The following CBL variants were observed in gnomAD, a reference collection of about 807,000 sequenced individuals.
The protein encoded by CBL is Cbl proto-oncogene.
In CBL, 45 loss-of-function variants were observed where a neutral mutation model predicts 96.9. The observed-to-expected ratio is 0.46, with a 90% CI of 0.37 to 0.60. The LOEUF is 0.60. Ranked by LOEUF, CBL falls within the 20% of genes least tolerant of loss-of-function variation. The probability of loss-of-function intolerance (pLI) is 0.00; values close to 1 mark genes in which losing one functional copy is unlikely to be tolerated. For synonymous variants in CBL, 420 were observed against 426.8 expected (o/e 0.98, Z 0.20); for missense variants, 1,024 against 1,143.5 (o/e 0.90, Z 1.51).
chr11:119,280,228 AT>A lies in CBL; in HGVS notation c.1431+1516del, dbSNP rs1273715824. Reference sequence around the variant, plus strand: ...TCTAGGCTAGCAGTGGGATTGCTGCATAAGGGAGTGTGTATTTCAACTGTGA... The same window carrying A: ...TCTAGGCTAGCAGTGGGATTGCTGCAAAGGGAGTGTGTATTTCAACTGTGA... On this transcript the variant is annotated intron_variant, in intron 9 of 15. Transcript: ENST00000264033. Among the ~76,000 whole-genome samples, 15 of 152,340 alleles carry A rather than the reference AT, an allele frequency of 9.8e-5. No individual in the cohort carries two copies. The East Asian group carries it at 2.9e-3, about 29-fold the overall frequency.
At chr11:119,279,489 C>G (rs556826880) in intron 9 of CBL, among the ~76,000 whole-genome samples, 3 of 123,484 alleles carry the variant, frequency 2.4e-5, no homozygotes, top group Admixed American at 7.2e-5. Flanking sequence ...CCATGCCCCC[C>G]CCTAAAAAAA....
chr11:119,248,358 C>A (rs1333973030), intron 2 of CBL, among the ~76,000 whole-genome samples: 2 of 152,158 alleles, frequency 1.3e-5, no homozygotes, highest in African/African-American at 4.8e-5. Context: ...ACAAGCTTCT[C>A]AATGGAGAAA....
In CBL at chr11:119,301,020, G is replaced by A. The variant is rs1016963331; in HGVS notation, c.*1239G>A. 22 of 233,620 alleles carry A rather than the reference G, an allele frequency of 9.4e-5. No homozygotes were observed. The highest frequency in any genetic ancestry group is 4.0e-4 in the African/African-American group (18 of 45,468). 14.5% of individuals were successfully genotyped at this position (233,620 alleles called of 1,614,324 possible). On this transcript the variant is annotated 3_prime_UTR_variant, in exon 16 of 16. Coordinates refer to ENST00000264033, the MANE Select transcript of CBL (RefSeq NM_005188.4). ...GTGGTTTTTTCCTTTGCCCTTTAAG[G>A]AGTGGGGATAATGTCCACGGTGGCC...
intron 2 of CBL, among the ~76,000 whole-genome samples, chr11:119,259,431 A>G (rs1270132561): frequency 2.0e-5 from 3 of 152,094 alleles, no homozygotes; most frequent in Non-Finnish European, 4.4e-5. Flanking sequence ...TGCTTATTTG[A>G]CAATACTGAA....
chr11:119,296,097 G>A (rs978047964), intron 12 of CBL, among the ~76,000 whole-genome samples: 9 of 152,184 alleles, frequency 5.9e-5, no homozygotes, highest in African/African-American at 2.2e-4. Context: ...TAGCACTTAT[G>A]TGTGTATTAT....
At chr11:119,249,018 G>A (rs1310868260) in intron 2 of CBL, among the ~76,000 whole-genome samples, 1 of 152,184 alleles carries the variant, frequency 6.6e-6, no homozygotes, top group African/African-American at 2.4e-5. Context: ...TACAGCCACT[G>A]TGGGAAACAG....
At position 119,300,366 on chromosome 11, in the gene CBL, A is replaced by G. The variant is rs1444551618; in HGVS notation, c.*585A>G. Reference sequence around the variant, plus strand: ...ACCATGTGCATAGCTAAAGTCTTCTATTTTTAGAACACCTTCTGTCTGTTC... The same window carrying G: ...ACCATGTGCATAGCTAAAGTCTTCTGTTTTTAGAACACCTTCTGTCTGTTC... On this transcript the variant is annotated 3_prime_UTR_variant, in exon 16 of 16. Transcript: ENST00000264033. 1.2e-5 allele frequency: 5 copies of G among 407,262 alleles called. No individual in the cohort carries two copies. Among genetic ancestry groups the G allele is most frequent in the African/African-American group, 8.2e-5 (4 of 48,614 alleles). The allele number at this position is 407,262 out of a possible 1,614,324, so 25.2% of individuals were successfully genotyped here.
intron 2 of CBL, among the ~76,000 whole-genome samples, chr11:119,269,133 G>C (rs1949824414): frequency 6.6e-6 from 1 of 151,520 alleles, no homozygotes; most frequent in Non-Finnish European, 1.5e-5. Flanking sequence ...ATATATTCTT[G>C]ATCTTGTCTA....
intron 4 of CBL, 51 bp from the exon 5 acceptor site, chr11:119,274,781 G>T (rs778749426): frequency 1.7e-5 from 27 of 1,582,952 alleles, no homozygotes; most frequent in Non-Finnish European, 2.3e-5. Context: ...TGCCCTCTGA[G>T]TTGGTTGTAC....
chr11:119,256,576 C>T (rs780811504), intron 2 of CBL, among the ~76,000 whole-genome samples: 2 of 151,742 alleles, frequency 1.3e-5, no homozygotes, highest in Non-Finnish European at 2.9e-5. Flanking sequence ...ATTTCAGTAA[C>T]TTTAGGGATA....
At chr11:119,249,701 T>TATCTCCCAGGTGGTATGATC (rs1325692105) in intron 2 of CBL, among the ~76,000 whole-genome samples, 2 of 151,880 alleles carry the variant, frequency 1.3e-5, no homozygotes, top group Non-Finnish European at 2.9e-5. Context: ...GGTCTCCCTT[T>TATCTCCCAGGTGGTATGATC]ATCTCCCAGG....
At chr11:119,214,428 T>C (rs1949341759) in intron 1 of CBL, among the ~76,000 whole-genome samples, 1 of 152,140 alleles carries the variant, frequency 6.6e-6, no homozygotes, top group Non-Finnish European at 1.5e-5. Context: ...TTTGTACTTT[T>C]GGTAGAGATG....
rs532837579 is a variant in CBL, at chr11:119,244,581, A to ATTTTT, written c.443+11900_443+11904dup. The stretch of plus-strand genomic sequence containing the variant: ...AGGTGCATGCTACCATGCCCGGCTA[A>ATTTTT]TTTTTTTTTTTTTTTTTTGAGACGG... On this transcript the variant is annotated intron_variant, in intron 2 of 15. Transcript: ENST00000264033. Among the ~76,000 whole-genome samples, 28 of 104,392 alleles carry ATTTTT rather than the reference A, an allele frequency of 2.7e-4. 1 individual carries two copies. Among genetic ancestry groups the ATTTTT allele is most frequent in the South Asian group, 1.8e-3 (4 of 2,224 alleles). The allele number at this position is 104,392 out of a possible 152,430, so 68.5% of individuals were successfully genotyped here.
intron 12 of CBL, among the ~76,000 whole-genome samples, chr11:119,289,918 T>G (rs949014430): frequency 1.3e-5 from 2 of 152,090 alleles, no homozygotes; most frequent in African/African-American, 2.4e-5. Context: ...AGGTTTTTAA[T>G]TTTTTATTTT....
rs189732020 is a variant in CBL at position 119,224,692 on chromosome 11, G to A, written c.196-7756G>A. On this transcript the variant is annotated intron_variant, in intron 1 of 15. Transcript: ENST00000264033. ...TGCAACCTCTGCCTCCCGGGTTCAA[G>A]CGATTCTCCTGCGTCAGCCTCCTGA... 5.1e-3 allele frequency among the ~76,000 whole-genome samples: 779 copies of A among 152,090 alleles called. 9 individuals are homozygous for A. Among genetic ancestry groups the A allele is most frequent in the Admixed American group, 0.029 (438 of 15,266 alleles).
intron 3 of CBL, among the ~76,000 whole-genome samples, chr11:119,272,775 C>T (rs750390493): frequency 1.3e-5 from 2 of 152,210 alleles, no homozygotes; most frequent in Admixed American, 1.3e-4. Context: ...CTGATTTACC[C>T]ATTTTCTTAT....
At chr11:119,261,442 T>C (rs1949753099) in intron 2 of CBL, among the ~76,000 whole-genome samples, 1 of 152,252 alleles carries the variant, frequency 6.6e-6, no homozygotes, top group Admixed American at 6.5e-5. Flanking sequence ...ATATAGACTT[T>C]CTACATATTT....
At chr11:119,271,180 A>G (rs1395676616) in intron 2 of CBL, among the ~76,000 whole-genome samples, 1 of 152,248 alleles carries the variant, frequency 6.6e-6, no homozygotes, top group East Asian at 1.9e-4. Flanking sequence ...GCAAAGCAGG[A>G]AATAATACAT....
intron 1 of CBL, among the ~76,000 whole-genome samples, chr11:119,215,579 T>C (rs1174755864): frequency 1.3e-5 from 2 of 151,650 alleles, no homozygotes; most frequent in Non-Finnish European, 1.5e-5. Context: ...GGCAGGAGAA[T>C]CGTTTAAACC....
Sources: allele counts gnomAD v4.1 joint callset (sites outside exome capture counted in the v4.1 genomes callset), GRCh38; gene constraint gnomAD v4.1.1; transcripts MANE v1.5; gene names NCBI Gene and HGNC (gene_info 2026-07-23, HGNC 2026-07-21).